The following MEGF8 variants were observed in gnomAD, a reference collection of about 807,000 sequenced individuals.
The protein encoded by MEGF8 is multiple EGF like domains 8.
Under a neutral mutation model 302.9 loss-of-function variants are expected in MEGF8, and 156 were observed. The ratio of observed to expected loss-of-function variants is 0.52; its 90% CI spans 0.45 to 0.59. The LOEUF (loss-of-function observed/expected upper bound fraction) is 0.59, where lower values mean the gene tolerates loss of function less well. Ranked by LOEUF, MEGF8 falls within the 20% of genes least tolerant of loss-of-function variation. The pLI, the probability that MEGF8 is intolerant of heterozygous loss-of-function variation, is 0.00. For missense variants in MEGF8, 3,345 were observed against 3,964.5 expected, an observed-to-expected ratio of 0.84 and a Z score of 4.20; for synonymous variants, 1,621 against 1,660.5, an observed-to-expected ratio of 0.98 and a Z score of 0.58.
chr19:42,344,463 G>C lies in MEGF8; in HGVS notation c.1811G>C (p.Gly604Ala). 1 of 1,595,796 alleles carries C rather than the reference G, an allele frequency of 6.3e-7. No individual in the cohort carries two copies. The highest frequency in any genetic ancestry group is 8.5e-7 in the Non-Finnish European group (1 of 1,178,214). ...CAGTGTCCAGCCGCCAGCTGCCTGG[G>C]CCTGGGCCGCCTCCTGGGTGACTGC... ...LGACPAASCL[G>A]LGRLLGDCQA... is the part of the protein sequence containing the mutation. Residue 604 changes from glycine to alanine, a missense_variant, in exon 11 of 42, where the codon GGC becomes GCC. Physicochemically the swap from Gly to Ala is moderately conservative, Grantham distance 60. Transcript: ENST00000251268. This position sits in a 1 kb window ranked among gnomAD's most constrained non-coding sequence, Gnocchi z 4.5.
In MEGF8 at chr19:42,358,866, T is replaced by A. The variant is rs866193371; in HGVS notation, c.5255T>A (p.Phe1752Tyr). The A allele has an allele frequency of 6.2e-7, 1 of 1,610,250 alleles. No individual in the cohort carries two copies. The highest frequency in any genetic ancestry group is 1.7e-4 in the Middle Eastern group (1 of 6,058). Residue 1752 changes from phenylalanine to tyrosine, a missense_variant, in exon 30 of 42, where the codon TTC becomes TAC. Phe to Tyr is a conservative substitution (Grantham distance 22, BLOSUM62 3). Coordinates refer to ENST00000251268, the MANE Select transcript of MEGF8 (RefSeq NM_001271938.2). This position sits in a 1 kb window ranked among gnomAD's most constrained non-coding sequence, Gnocchi z 4.4. Reference sequence around the variant, plus strand: ...GGGGAGCAGCCTGGGTCATGGGGGTTCCGGGAAGTCAGGAAGAAGATGGCT... The same window carrying A: ...GGGGAGCAGCCTGGGTCATGGGGGTACCGGGAAGTCAGGAAGAAGATGGCT... Reference protein sequence around the residue: ...VPGEQPGSWGFREVRKKMALW... With the variant: ...VPGEQPGSWGYREVRKKMALW...
intron 31 of MEGF8, 134 bp from the exon 32 acceptor site, chr19:42,360,641 G>A (rs1448168854): frequency 6.8e-7 from 1 of 1,473,394 alleles, no homozygotes; most frequent in African/African-American, 1.4e-5. Context: ...CACCGCCCTT[G>A]GCCTTGTTTC....
chr19:42,360,546 C>T (rs1469371130), intron 31 of MEGF8, among the ~76,000 whole-genome samples: 1 of 151,698 alleles, frequency 6.6e-6, no homozygotes, highest in Non-Finnish European at 1.5e-5. Context: ...GGTCTTTCTA[C>T]GTTGCCCAGG....
At chr19:42,333,864 C>A in intron 2 of MEGF8, 96 bp downstream of exon 2, 1 of 1,549,550 alleles carries the variant, frequency 6.5e-7, no homozygotes, top group Non-Finnish European at 8.8e-7. Context: ...GAGCAGAGCA[C>A]AGGGACAAGG....
At chr19:42,328,005 G>T (rs1448479848) in intron 1 of MEGF8, among the ~76,000 whole-genome samples, 1 of 152,210 alleles carries the variant, frequency 6.6e-6, no homozygotes, top group African/African-American at 2.4e-5. Flanking sequence ...TGAGGCACAA[G>T]AATCACTTGA....
chr19:42,344,623 A>C lies in MEGF8; in HGVS notation c.1933+38A>C, dbSNP rs780386601. 1.3e-6 allele frequency: 2 copies of C among 1,573,858 alleles called. No individual in the cohort carries two copies. Among genetic ancestry groups the C allele is most frequent in the East Asian group, 4.5e-5 (2 of 44,248 alleles). On this transcript the variant is annotated intron_variant, in intron 11 of 41. Coordinates refer to ENST00000251268, the MANE Select transcript of MEGF8 (RefSeq NM_001271938.2). The surrounding 1 kb of genome is among the most constrained non-coding windows in gnomAD (Gnocchi z 4.5). The stretch of plus-strand genomic sequence containing the variant: ...AGCAGTGGGCCGGCAGGAGGGGGCC[A>C]GAGCACTCCACACTGACCCACCGGC...
At chr19:42,367,225 G>T (rs1368911108) in intron 35 of MEGF8, among the ~76,000 whole-genome samples, 1 of 152,030 alleles carries the variant, frequency 6.6e-6, no homozygotes, top group African/African-American at 2.4e-5. Context: ...TTCTCAGTGT[G>T]GGGTAAGAGA....
In MEGF8 at chr19:42,378,029, TA is replaced by T. The variant is rs1181314378; in HGVS notation, c.*1256del. ...AACTGTGGGTGGCTGAGGGGATCGT[TA>T]ATTGAATGGGGCAGACTGAGGCTTG... On this transcript the variant is annotated 3_prime_UTR_variant, in exon 42 of 42. Transcript: ENST00000251268. The T allele has an allele frequency of 6.6e-6, 1 of 152,174 alleles. No individual in the cohort carries two copies. The highest frequency in any genetic ancestry group is 1.5e-5 in the Non-Finnish European group (1 of 68,042). 9.4% of individuals were successfully genotyped at this position (152,174 alleles called of 1,614,324 possible).
rs1394765151 is a variant in MEGF8, at chr19:42,368,553, A to G, written c.6372A>G (p.Ala2124=). ...PESCSLGCAQ[A]TQCALCLRRP... is the part of the protein sequence containing the mutation. ...GCTGCTCCCTGGGCTGTGCTCAGGC[A>G]ACTCAGTGCGCCTTGTGCCTGCGGC... is the stretch of plus-strand genomic sequence containing the variant. Residue 2124 remains alanine (A), a synonymous_variant, in exon 36 of 42, where the codon GCA becomes GCG. Transcript: ENST00000251268. The surrounding 1 kb of genome is among the most constrained non-coding windows in gnomAD (Gnocchi z 4.9). 1 of 1,599,742 alleles carries G rather than the reference A, an allele frequency of 6.3e-7. No homozygotes were observed.
At chr19:42,334,992 C>T in intron 3 of MEGF8, 43 bp from the exon 4 acceptor site, 1 of 1,562,648 alleles carries the variant, frequency 6.4e-7, no homozygotes, top group South Asian at 1.2e-5. Flanking sequence ...CTGTCCTTGT[C>T]TCTCCCTCTC....
intron 12 of MEGF8, 42 bp from the exon 13 acceptor site, chr19:42,348,230 C>A: frequency 6.7e-7 from 1 of 1,495,138 alleles, no homozygotes; most frequent in Non-Finnish European, 9.0e-7. Context: ...GCCTGTGAGT[C>A]CAGAAAGGGA....
intron 39 of MEGF8, 30 bp from the exon 40 acceptor site, chr19:42,370,671 T>C: frequency 6.3e-7 from 1 of 1,582,242 alleles, no homozygotes; most frequent in Non-Finnish European, 8.6e-7. Context: ...TCCAGGCCTT[T>C]CTATGATCAC....
Position 42,351,383 on chromosome 19 carries a change from T to C in MEGF8, c.2856-46T>C. 2.5e-6 allele frequency: 4 copies of C among 1,573,884 alleles called. No individual in the cohort carries two copies. Among genetic ancestry groups the C allele is most frequent in the Non-Finnish European group, 3.4e-6 (4 of 1,159,752 alleles). ...GTGGGTGGGTGGATGTGCCTGGGGA[T>C]GTGTGCTGGCTGTGGAGTGACCTGG... On this transcript the variant is annotated intron_variant, in intron 16 of 41. Coordinates refer to ENST00000251268, the MANE Select transcript of MEGF8 (RefSeq NM_001271938.2). This position sits in a 1 kb window ranked among gnomAD's most constrained non-coding sequence, Gnocchi z 5.6.
At position 42,333,700 on chromosome 19, in the gene MEGF8, C is replaced by G. The variant is rs376057779; in HGVS notation, c.283C>G (p.Arg95Gly). ...YLFVYDGDSP[R>G]GPLLASLSGS... ...GTTCGTGTATGACGGTGACTCCCCG[C>G]GAGGGCCGCTGCTTGCCAGTCTAAG... Residue 95 changes from arginine (R) to glycine (G), a missense_variant, in exon 2 of 42, where the codon CGA becomes GGA. Coordinates refer to ENST00000251268, the MANE Select transcript of MEGF8 (RefSeq NM_001271938.2). The G allele has an allele frequency of 6.2e-7, 1 of 1,613,988 alleles. No homozygotes were observed. The highest frequency in any genetic ancestry group is 1.1e-5 in the South Asian group (1 of 91,082).
rs2039419196 is a variant in MEGF8, at chr19:42,354,176, G to C, written c.4011+152G>C. On this transcript the variant is annotated intron_variant, in intron 22 of 41. Coordinates refer to ENST00000251268, the MANE Select transcript of MEGF8 (RefSeq NM_001271938.2). The surrounding 1 kb of genome is among the most constrained non-coding windows in gnomAD (Gnocchi z 4.3). Reference sequence around the variant, plus strand: ...ACCCAAACTCCTCCTCAGATCCCCAGCACTTTGTTCCTAGGCCCACAGACA... The same window carrying C: ...ACCCAAACTCCTCCTCAGATCCCCACCACTTTGTTCCTAGGCCCACAGACA... Among the ~76,000 whole-genome samples, 1 of 150,062 alleles carries C rather than the reference G, an allele frequency of 6.7e-6. No homozygotes were observed. The highest frequency in any genetic ancestry group is 6.7e-5 in the Admixed American group (1 of 15,010).
rs763997439 is a variant in MEGF8 at position 42,375,654 on chromosome 19, G to A, written c.7417G>A (p.Gly2473Ser). 8 of 1,610,044 alleles carry A rather than the reference G, an allele frequency of 5.0e-6. No homozygotes were observed. The highest frequency in any genetic ancestry group is 1.7e-5 in the Admixed American group (1 of 59,546). ...GCCCAAACGCCGGGCGCTAGGCCCC[G>A]GCCGCACTGTCCTCTTTGGCGTGCA... is the stretch of plus-strand genomic sequence containing the variant. Reference protein sequence around the residue: ...HEPKRRALGPGRTVLFGVQPK... With the variant: ...HEPKRRALGPSRTVLFGVQPK... Residue 2473 changes from glycine to serine, a missense_variant, in exon 42 of 42, where the codon GGC becomes AGC. Physicochemically the swap from Gly to Ser is moderately conservative, Grantham distance 56. Transcript: ENST00000251268. The surrounding 1 kb of genome is among the most constrained non-coding windows in gnomAD (Gnocchi z 7.1).
chr19:42,351,808 C>G lies in MEGF8; in HGVS notation c.3101+47C>G. 6.8e-7 allele frequency: 1 copy of G among 1,474,088 alleles called. No homozygotes were observed. The highest frequency in any genetic ancestry group is 1.2e-5 in the South Asian group (1 of 82,266). The allele number at this position is 1,474,088 out of a possible 1,614,324, so 91.3% of individuals were successfully genotyped here. On this transcript the variant is annotated intron_variant, in intron 18 of 41. Coordinates refer to ENST00000251268, the MANE Select transcript of MEGF8 (RefSeq NM_001271938.2). This position sits in a 1 kb window ranked among gnomAD's most constrained non-coding sequence, Gnocchi z 5.6. ...GGCAGGGTGCCCGGCTGTGTCCTTC[C>G]TCCATGACCGGTCATTCTAATGGCC...
At position 42,355,787 on chromosome 19, in the gene MEGF8, G is replaced by A. The variant is rs778640003; in HGVS notation, c.4174G>A (p.Gly1392Ser). ...GCTCGTGCTGCACTGGGAGGCCAAT[G>A]GCTCCTCATCCTGGGGCTTCAATGC... Reference protein sequence around the residue: ...GLLVLHWEANGSSSWGFNASV... With the variant: ...GLLVLHWEANSSSSWGFNASV... The change falls in exon 24 of 42, where the codon GGC becomes AGC. Residue 1392 changes from glycine to serine, a missense_variant. Physicochemically the swap from Gly to Ser is moderately conservative, Grantham distance 56. Coordinates refer to ENST00000251268, the MANE Select transcript of MEGF8 (RefSeq NM_001271938.2). 1 of 1,581,752 alleles carries A rather than the reference G, an allele frequency of 6.3e-7. No individual in the cohort carries two copies. The highest frequency in any genetic ancestry group is 8.6e-7 in the Non-Finnish European group (1 of 1,163,202).
At chr19:42,343,809 T>G in intron 9 of MEGF8, 145 bp from the exon 10 acceptor site, 2 of 1,370,374 alleles carry the variant, frequency 1.5e-6, no homozygotes, top group Non-Finnish European at 1.9e-6. Context: ...TCCCTGGGCC[T>G]GGGGGAGGAA....
Sources: gnomAD v4.1 joint callset for allele counts (sites outside exome capture counted in the v4.1 genomes callset) on GRCh38, gnomAD v4.1.1 for gene constraint, Gnocchi (gnomAD v3.1) non-coding constraint, MANE v1.5 for transcripts, NCBI Gene and HGNC (gene_info 2026-07-23, HGNC 2026-07-21) for gene names.